Variants in MAP3K5 observed in about 807,000 individuals in gnomAD.
MAP3K5 encodes the protein mitogen-activated protein kinase kinase kinase 5, also known as ASK-1.
A neutral mutation model predicts 158.7 loss-of-function variants in MAP3K5; 56 were observed. The observed-to-expected ratio is 0.35, with a 90% CI of 0.28 to 0.44. The LOEUF is 0.44. Among genes scored for constraint, MAP3K5 ranks in the 20% least tolerant of loss-of-function variants. The pLI is 1.00. For missense variants in MAP3K5, 1,294 were observed against 1,674.8 expected (o/e 0.77, Z 3.97); for synonymous variants, 579 against 601.7 (o/e 0.96, Z 0.55).
At chr6:136,752,819 G>A (rs908253655) in intron 1 of MAP3K5, among the ~76,000 whole-genome samples, 9 of 152,214 alleles carry the variant, frequency 5.9e-5, no homozygotes, top group Admixed American at 4.6e-4. Flanking sequence ...GAAGTTCAGC[G>A]TGGCTGGGAC....
rs116725438 is a variant in MAP3K5, at chr6:136,667,533, C to T, written c.1366+1750G>A. ...TCAGGAGGTTGAGATTGCAGTGAGC[C>T]GTGATCGTGCCAGTGCACTCCAGCT... On this transcript the variant is annotated intron_variant, in intron 8 of 29. Transcript: ENST00000359015. Among the ~76,000 whole-genome samples, 803 of 151,906 alleles carry T rather than the reference C, an allele frequency of 5.3e-3. 9 individuals carry two copies. Among genetic ancestry groups the T allele is most frequent in the African/African-American group, 0.018 (734 of 41,416 alleles).
chr6:136,713,028 CAT>C (rs1469948751), intron 2 of MAP3K5, among the ~76,000 whole-genome samples: 1 of 152,168 alleles, frequency 6.6e-6, no homozygotes, highest in Non-Finnish European at 1.5e-5. Context: ...AATACACACA[CAT>C]ATTTCAGTAA....
At chr6:136,732,884 T>C (rs1176746805) in intron 1 of MAP3K5, among the ~76,000 whole-genome samples, 3 of 152,162 alleles carry the variant, frequency 2.0e-5, no homozygotes, top group Admixed American at 6.5e-5. Flanking sequence ...TGAACTTTAT[T>C]CTGCTTAGTG....
intron 1 of MAP3K5, among the ~76,000 whole-genome samples, chr6:136,728,909 A>G (rs1216522977): frequency 6.6e-6 from 1 of 152,150 alleles, no homozygotes; most frequent in Admixed American, 6.6e-5. Flanking sequence ...CACTACACTT[A>G]CAAAAGGAAA....
At chr6:136,604,489 G>A (rs768182160) in intron 19 of MAP3K5, among the ~76,000 whole-genome samples, 85 of 152,026 alleles carry the variant, frequency 5.6e-4, no homozygotes, top group Non-Finnish European at 1.1e-3. Context: ...TTTACTACTT[G>A]GGAAGCATGT....
intron 24 of MAP3K5, among the ~76,000 whole-genome samples, chr6:136,581,611 C>T (rs1222671700): frequency 6.6e-6 from 1 of 152,206 alleles, no homozygotes; most frequent in Admixed American, 6.5e-5. Flanking sequence ...AGCTGGAGCT[C>T]CAGTTGCTCA....
intron 18 of MAP3K5, among the ~76,000 whole-genome samples, chr6:136,607,663 G>A (rs991554353): frequency 6.6e-6 from 1 of 152,100 alleles, no homozygotes; most frequent in African/African-American, 2.4e-5. Context: ...CTTTGCTGCT[G>A]CAACTACCCA....
intron 1 of MAP3K5, among the ~76,000 whole-genome samples, chr6:136,761,831 C>T (rs939344564): frequency 3.3e-5 from 5 of 152,064 alleles, no homozygotes; most frequent in South Asian, 4.1e-4. Flanking sequence ...GTAACTACTC[C>T]GACAGCACAG....
Position 136,592,357 on chromosome 6 carries a change from C to G in MAP3K5, c.3057-16G>C, listed in dbSNP as rs1775425219. 3.8e-6 allele frequency: 6 copies of G among 1,587,412 alleles called. No individual in the cohort carries two copies. The South Asian group carries it at 6.9e-5, about 18-fold the overall frequency. On this transcript the variant is annotated splice_polypyrimidine_tract_variant and intron_variant, in intron 22 of 29. Transcript: ENST00000359015. Reference sequence around the variant, plus strand: ...ATCTGGAATGCTGAGAAAATTTATGCAGCATAAATCACAGTTCCCTTTATA... The same window carrying G: ...ATCTGGAATGCTGAGAAAATTTATGGAGCATAAATCACAGTTCCCTTTATA...
chr6:136,720,706 TTC>T (rs1342455575), intron 1 of MAP3K5, 117 bp from the exon 2 acceptor site: 36 of 741,432 alleles, frequency 4.9e-5, no homozygotes, highest in Non-Finnish European at 7.1e-5. Context: ...GATAGGGATT[TTC>T]TCTCTTCATT....
At chr6:136,570,839 C>T (rs1583198763) in intron 25 of MAP3K5, among the ~76,000 whole-genome samples, 1 of 152,312 alleles carries the variant, frequency 6.6e-6, no homozygotes, top group African/African-American at 2.4e-5. Flanking sequence ...TACCGTTCTA[C>T]TTTCTGTTTC....
chr6:136,569,421 G>T (rs1774267513), intron 25 of MAP3K5, among the ~76,000 whole-genome samples: 1 of 152,088 alleles, frequency 6.6e-6, no homozygotes, highest in Non-Finnish European at 1.5e-5. Context: ...TACATAATAA[G>T]AACCTTGGCT....
At chr6:136,579,499 G>C (rs1047176745) in intron 25 of MAP3K5, among the ~76,000 whole-genome samples, 3 of 152,142 alleles carry the variant, frequency 2.0e-5, no homozygotes, top group Non-Finnish European at 2.9e-5. Flanking sequence ...CTTACAGATG[G>C]AACAAGCAGG....
intron 21 of MAP3K5, among the ~76,000 whole-genome samples, chr6:136,594,921 T>C (rs1336716738): frequency 1.3e-5 from 2 of 152,138 alleles, no homozygotes; most frequent in African/African-American, 4.8e-5. Context: ...TATCCAGTAA[T>C]GAGAGGACTT....
At chr6:136,632,280 G>A (rs1777404777) in intron 14 of MAP3K5, among the ~76,000 whole-genome samples, 1 of 152,168 alleles carries the variant, frequency 6.6e-6, no homozygotes, top group Admixed American at 6.5e-5. Flanking sequence ...CAGCATTTTG[G>A]GAGGCCAAGG....
chr6:136,651,956 C>G (rs998290296), intron 10 of MAP3K5, among the ~76,000 whole-genome samples: 1 of 152,018 alleles, frequency 6.6e-6, no homozygotes, highest in Non-Finnish European at 1.5e-5. Context: ...GCAGACTTCA[C>G]TAGGAATGTT....
At chr6:136,658,974 A>G (rs1412187486) in intron 9 of MAP3K5, among the ~76,000 whole-genome samples, 2 of 152,218 alleles carry the variant, frequency 1.3e-5, no homozygotes, top group Non-Finnish European at 2.9e-5. Context: ...ACACTGGCCA[A>G]TCTGGGCCAG....
intron 1 of MAP3K5, among the ~76,000 whole-genome samples, chr6:136,776,742 G>A (rs986957679): frequency 6.6e-6 from 1 of 152,106 alleles, no homozygotes; most frequent in Non-Finnish European, 1.5e-5. Context: ...TATGCTGAAC[G>A]GATTGGTAAG....
Position 136,792,206 on chromosome 6 carries a change from C to T in MAP3K5, c.-49G>A, listed in dbSNP as rs764957063. The T allele has an allele frequency of 3.3e-5, 50 of 1,516,316 alleles. No homozygotes were observed. In the African/African-American group the frequency reaches 6.7e-4, roughly 20 times the overall value. 93.9% of individuals were successfully genotyped at this position (1,516,316 alleles called of 1,614,324 possible). A position where few individuals can be genotyped will look rare whatever the true frequency, so the allele number is the denominator to read the frequency against. On this transcript the variant is annotated 5_prime_UTR_variant, in exon 1 of 30. It adds an upstream start codon to the 5' untranslated region. Transcript: ENST00000359015. The surrounding 1 kb of genome is among the most constrained non-coding windows in gnomAD (Gnocchi z 5.7). ...CGGCGGCGTCCCCCGCCCAGCCGCA[C>T]CGCCTGGCCAGCCACAGCTCGGGGC...
Sources: allele counts gnomAD v4.1 joint callset (sites outside exome capture counted in the v4.1 genomes callset), GRCh38; gene constraint gnomAD v4.1.1; non-coding constraint Gnocchi (gnomAD v3.1); transcripts MANE v1.5; gene names NCBI Gene and HGNC (gene_info 2026-07-23, HGNC 2026-07-21).